PTPRD: variants seen among roughly 807,000 people sequenced by gnomAD.
PTPRD encodes the protein protein tyrosine phosphatase receptor type D.
Under a neutral mutation model 214.5 loss-of-function variants are expected in PTPRD, and 34 were observed. That is an observed-to-expected ratio of 0.16 (90% CI 0.12 to 0.21). PTPRD has a LOEUF of 0.21. Among genes scored for constraint, PTPRD ranks in the 10% least tolerant of loss-of-function variants. The pLI, the probability that PTPRD is intolerant of heterozygous loss-of-function variation, is 1.00. For missense variants in PTPRD, 2,545 were observed against 2,398.7 expected (o/e 1.06, Z -1.27); for synonymous variants, 1,128 against 845.7 (o/e 1.33, Z -5.79).
At chr9:9,587,441 G>A (rs1402010704) in intron 7 of PTPRD, among the ~76,000 whole-genome samples, 1 of 152,146 alleles carries the variant, frequency 6.6e-6, no homozygotes, top group East Asian at 1.9e-4. Context: ...AGATAGGAGA[G>A]GGGCTTGCTA....
In PTPRD at chr9:8,314,716, C is replaced by T. The variant is rs1362915921; in HGVS notation, c.*3158G>A. ...AAACAGGAAAGAAAAAAAATACGTG[C>T]ATTACTGCAGACTTTTTTCCCTTCC... is the stretch of plus-strand genomic sequence containing the variant. On this transcript the variant is annotated 3_prime_UTR_variant, in exon 46 of 46. Coordinates refer to ENST00000381196, the MANE Select transcript of PTPRD (RefSeq NM_002839.4). 8.6e-6 allele frequency: 2 copies of T among 232,124 alleles called. No individual in the cohort carries two copies. Among genetic ancestry groups the T allele is most frequent in the East Asian group, 1.2e-4 (2 of 16,498 alleles). The allele number at this position is 232,124 out of a possible 1,614,324, so 14.4% of individuals were successfully genotyped here.
intron 10 of PTPRD, among the ~76,000 whole-genome samples, chr9:9,108,525 C>T (rs2099801863): frequency 6.6e-6 from 1 of 152,138 alleles, no homozygotes; most frequent in African/African-American, 2.4e-5. Context: ...GGTTGACTCT[C>T]CTCTATGTAG....
At chr9:8,541,757 G>A (rs910502013) in intron 14 of PTPRD, among the ~76,000 whole-genome samples, 1 of 152,074 alleles carries the variant, frequency 6.6e-6, no homozygotes, top group Non-Finnish European at 1.5e-5. Flanking sequence ...TTATGAAACT[G>A]CCCAAAGAAG....
intron 10 of PTPRD, among the ~76,000 whole-genome samples, chr9:9,156,109 A>T (rs984296038): frequency 1.5e-4 from 23 of 152,274 alleles, no homozygotes; most frequent in African/African-American, 5.3e-4. Context: ...TTTAGGTGTA[A>T]AACAGATATA....
intron 5 of PTPRD, among the ~76,000 whole-genome samples, chr9:9,846,596 C>T (rs1198480444): frequency 1.3e-5 from 2 of 152,084 alleles, no homozygotes; most frequent in Non-Finnish European, 2.9e-5. Flanking sequence ...AGTTACCAGA[C>T]GAGTTTGCAG....
At chr9:9,231,916 G>C (rs189819401) in intron 9 of PTPRD, among the ~76,000 whole-genome samples, 1 of 151,986 alleles carries the variant, frequency 6.6e-6, no homozygotes, top group East Asian at 1.9e-4. Flanking sequence ...TCTTTTGTTT[G>C]ATCTCTGTTT....
intron 11 of PTPRD, among the ~76,000 whole-genome samples, chr9:8,909,193 C>T (rs1297274838): frequency 1.3e-5 from 2 of 151,898 alleles, no homozygotes; most frequent in Non-Finnish European, 2.9e-5. Flanking sequence ...TGAATTATAT[C>T]AATTCACCAT....
intron 21 of PTPRD, among the ~76,000 whole-genome samples, chr9:8,510,795 A>G (rs1012588067): frequency 6.6e-6 from 1 of 152,126 alleles, no homozygotes; most frequent in Non-Finnish European, 1.5e-5. Context: ...CTGAGGACAC[A>G]AAGGAATTTT....
intron 2 of PTPRD, among the ~76,000 whole-genome samples, chr9:10,377,713 G>C (rs944300087): frequency 6.6e-6 from 1 of 151,966 alleles, no homozygotes; most frequent in Non-Finnish European, 1.5e-5. Flanking sequence ...GTGCTGGAGA[G>C]GATATGGAGA....
intron 2 of PTPRD, among the ~76,000 whole-genome samples, chr9:10,467,413 C>T (rs779441648): frequency 1.2e-4 from 19 of 152,186 alleles, no homozygotes; most frequent in Middle Eastern, 3.4e-3. Flanking sequence ...TTATTGGCAT[C>T]CTAAGAATCT....
At chr9:10,546,802 C>T (rs756608349) in intron 2 of PTPRD, among the ~76,000 whole-genome samples, 3 of 151,930 alleles carry the variant, frequency 2.0e-5, no homozygotes, top group Non-Finnish European at 2.9e-5. Context: ...TTGCATTGTA[C>T]AAAAACTTCA....
intron 2 of PTPRD, among the ~76,000 whole-genome samples, chr9:10,358,815 A>G (rs936850074): frequency 2.0e-5 from 3 of 151,952 alleles, no homozygotes; most frequent in Non-Finnish European, 4.4e-5. Context: ...CTAAAATCAT[A>G]TATTTTGAGC....
chr9:10,403,041 C>A (rs759758096), intron 2 of PTPRD, among the ~76,000 whole-genome samples: 5 of 151,168 alleles, frequency 3.3e-5, no homozygotes, highest in Non-Finnish European at 7.4e-5. Flanking sequence ...AGGTTCCCCA[C>A]ATCAACATAA....
intron 4 of PTPRD, among the ~76,000 whole-genome samples, chr9:9,978,307 G>A (rs2095428393): frequency 6.6e-6 from 1 of 152,112 alleles, no homozygotes; most frequent in African/African-American, 2.4e-5. Flanking sequence ...AGTAAAAAAG[G>A]TGGAGAACAT....
chr9:8,913,634 C>G (rs2098763708), intron 11 of PTPRD, among the ~76,000 whole-genome samples: 1 of 152,030 alleles, frequency 6.6e-6, no homozygotes, highest in Admixed American at 6.6e-5. Flanking sequence ...ATGCGTTTTG[C>G]AAGAATGAGC....
intron 9 of PTPRD, among the ~76,000 whole-genome samples, chr9:9,333,201 T>C (rs2042989596): frequency 1.3e-5 from 2 of 151,708 alleles, no homozygotes; most frequent in Admixed American, 6.6e-5. Flanking sequence ...AAGAGCAAGA[T>C]CAGTGGGGCT....
At chr9:10,569,845 T>A (rs1566985198) in intron 2 of PTPRD, among the ~76,000 whole-genome samples, 1 of 152,014 alleles carries the variant, frequency 6.6e-6, no homozygotes, top group South Asian at 2.1e-4. Context: ...GGTATATTTG[T>A]GGATGTAAAG....
At chr9:9,666,532 C>T (rs548399208) in intron 7 of PTPRD, among the ~76,000 whole-genome samples, 10 of 152,036 alleles carry the variant, frequency 6.6e-5, no homozygotes, top group African/African-American at 2.4e-4. Flanking sequence ...AAAACAATGA[C>T]AAAACTTACA....
At chr9:8,802,050 T>C in intron 11 of PTPRD, among the ~76,000 whole-genome samples, 1 of 152,204 alleles carries the variant, frequency 6.6e-6, no homozygotes, top group East Asian at 1.9e-4. Context: ...GAAACTTTTA[T>C]ATCACCACAT....
Sources: gnomAD v4.1 joint callset for allele counts (sites outside exome capture counted in the v4.1 genomes callset) on GRCh38, gnomAD v4.1.1 for gene constraint, MANE v1.5 for transcripts, NCBI Gene and HGNC (gene_info 2026-07-23, HGNC 2026-07-21) for gene names.